The following ARHGEF7 variants were observed in gnomAD, a reference collection of about 807,000 sequenced individuals.
ARHGEF7 encodes the protein PAK-interacting exchange factor beta.
In ARHGEF7, 33 loss-of-function variants were observed where a neutral mutation model predicts 109.8. The observed-to-expected ratio is 0.30, with a 90% confidence interval of 0.23 to 0.40. ARHGEF7 has a LOEUF of 0.40. ARHGEF7 is among the 10% of genes least tolerant of loss of function. The pLI is 1.00. For synonymous variants in ARHGEF7, 458 were observed against 424.6 expected (o/e 1.08, Z -0.97); for missense variants, 938 against 1,098.5 (o/e 0.85, Z 2.07).
chr13:111,182,883 T>G (rs528871650), intron 2 of ARHGEF7, among the ~76,000 whole-genome samples: 1 of 152,336 alleles, frequency 6.6e-6, no homozygotes, highest in South Asian at 2.1e-4. Context: ...TTTTCAGTAT[T>G]CAGTACGTCA....
In ARHGEF7 at chr13:111,133,805, ATAT is replaced by A. The variant is rs1566607024; in HGVS notation, c.165+18115_165+18117del. ...TATATATATATATATATATATATAT[ATAT>A]ATATATTTATTATACTTTAAGTTCT... On this transcript the variant is annotated intron_variant, in intron 1 of 21. Coordinates refer to ENST00000646102, the MANE Select transcript of ARHGEF7 (RefSeq NM_001354046.2). Among the ~76,000 whole-genome samples, 52 of 30,742 alleles carry A rather than the reference ATAT, an allele frequency of 1.7e-3. 1 individual carries two copies. The highest frequency in any genetic ancestry group is 3.0e-3 in the African/African-American group (27 of 9,138). 20.2% of individuals were successfully genotyped at this position (30,742 alleles called of 152,430 possible). A position where few individuals can be genotyped will look rare whatever the true frequency, so the allele number is the denominator to read the frequency against.
At chr13:111,208,227 G>T (rs1038467864) in intron 3 of ARHGEF7, among the ~76,000 whole-genome samples, 3 of 152,060 alleles carry the variant, frequency 2.0e-5, no homozygotes, top group Non-Finnish European at 4.4e-5. Flanking sequence ...TTTAGTAGAG[G>T]CGGGGTTTCT....
intron 5 of ARHGEF7, among the ~76,000 whole-genome samples, chr13:111,227,791 T>C (rs1178036229): frequency 6.6e-6 from 1 of 152,238 alleles, no homozygotes; most frequent in African/African-American, 2.4e-5. Context: ...TTTAGTCTTA[T>C]TTGTATTTCA....
intron 2 of ARHGEF7, among the ~76,000 whole-genome samples, chr13:111,197,353 G>T (rs575505826): frequency 2.7e-4 from 41 of 152,252 alleles, no homozygotes; most frequent in Admixed American, 2.3e-3. Flanking sequence ...ACTGAGGAAG[G>T]TTGGATTTAG....
At chr13:111,249,456 A>C (rs1051450898) in intron 8 of ARHGEF7, among the ~76,000 whole-genome samples, 3 of 151,834 alleles carry the variant, frequency 2.0e-5, no homozygotes, top group Non-Finnish European at 4.4e-5. Context: ...GAGGGGAAAA[A>C]AGGGAGGCTG....
At chr13:111,154,250 G>A (rs1317302228) in intron 2 of ARHGEF7, among the ~76,000 whole-genome samples, 1 of 152,226 alleles carries the variant, frequency 6.6e-6, no homozygotes, top group Non-Finnish European at 1.5e-5. Context: ...TTCCAGTGAG[G>A]AAGAGTGGTT....
At chr13:111,298,786 G>C (rs1385873169) in intron 19 of ARHGEF7, among the ~76,000 whole-genome samples, 1 of 152,216 alleles carries the variant, frequency 6.6e-6, no homozygotes, top group Non-Finnish European at 1.5e-5. Flanking sequence ...CAGGTCTGCT[G>C]CTGCCAGCTG....
intron 6 of ARHGEF7, among the ~76,000 whole-genome samples, chr13:111,233,601 A>G (rs568768563): frequency 1.6e-3 from 241 of 152,368 alleles, no homozygotes; most frequent in South Asian, 0.011. Context: ...GAAAAAATGT[A>G]TAATGTGATT....
At chr13:111,221,490 GACATATAT>G in intron 5 of ARHGEF7, among the ~76,000 whole-genome samples, 1 of 37,576 alleles carries the variant, frequency 2.7e-5, no homozygotes, top group Admixed American at 3.7e-4. Flanking sequence ...GATATATATA[GACATATAT>G]ATATCTATAT....
intron 1 of ARHGEF7, among the ~76,000 whole-genome samples, chr13:111,149,116 A>G (rs1173238144): frequency 6.6e-6 from 1 of 152,206 alleles, no homozygotes; most frequent in Non-Finnish European, 1.5e-5. Context: ...TTTCATTAAA[A>G]AAACCATTTC....
At chr13:111,172,767 G>A (rs960381083) in intron 2 of ARHGEF7, among the ~76,000 whole-genome samples, 1 of 152,222 alleles carries the variant, frequency 6.6e-6, no homozygotes, top group Non-Finnish European at 1.5e-5. Flanking sequence ...GGGGGCTGGG[G>A]TGGGGCAGAC....
intron 8 of ARHGEF7, among the ~76,000 whole-genome samples, chr13:111,248,005 G>A (rs112160119): frequency 2.6e-4 from 39 of 152,280 alleles, no homozygotes; most frequent in African/African-American, 7.9e-4. Context: ...TCTGTCTTCC[G>A]TCTTGAAAAC....
chr13:111,164,189 A>G (rs570045187), intron 2 of ARHGEF7, among the ~76,000 whole-genome samples: 1 of 152,346 alleles, frequency 6.6e-6, no homozygotes, highest in South Asian at 2.1e-4. Flanking sequence ...TGCCCTGCAG[A>G]GAAGATGGCA....
intron 2 of ARHGEF7, among the ~76,000 whole-genome samples, chr13:111,155,393 C>T (rs1335951554): frequency 6.6e-6 from 1 of 152,160 alleles, no homozygotes; most frequent in Non-Finnish European, 1.5e-5. Context: ...GTATTACTGG[C>T]GTTGTTTATG....
At position 111,115,463 on chromosome 13, in the gene ARHGEF7, G is replaced by A. The variant is rs1379601442; in HGVS notation, c.-64G>A. 1 of 1,008,310 alleles carries A rather than the reference G, an allele frequency of 9.9e-7. No homozygotes were observed. Among genetic ancestry groups the A allele is most frequent in the African/African-American group, 1.8e-5 (1 of 57,042 alleles). 62.5% of individuals were successfully genotyped at this position (1,008,310 alleles called of 1,614,324 possible). ...GGCGGCGGCGGCGGCGGGGGCCGCG[G>A]GCCGGGCCGCCGCTCCGAGGTGAAG... is the stretch of plus-strand genomic sequence containing the variant. On this transcript the variant is annotated 5_prime_UTR_variant, in exon 1 of 22. Transcript: ENST00000646102.
At position 111,273,710 on chromosome 13, in the gene ARHGEF7, A is replaced by T; in HGVS notation, c.1074-104A>T. The T allele has an allele frequency of 6.7e-7, 1 of 1,493,860 alleles. No individual in the cohort carries two copies. Among genetic ancestry groups the T allele is most frequent in the Non-Finnish European group, 9.2e-7 (1 of 1,086,156 alleles). 92.5% of individuals were successfully genotyped at this position (1,493,860 alleles called of 1,614,324 possible). A position where few individuals can be genotyped will look rare whatever the true frequency, so the allele number is the denominator to read the frequency against. On this transcript the variant is annotated intron_variant, in intron 9 of 21. Coordinates refer to ENST00000646102, the MANE Select transcript of ARHGEF7 (RefSeq NM_001354046.2). This position sits in a 1 kb window ranked among gnomAD's most constrained non-coding sequence, Gnocchi z 4.5. ...TGGAGCCTTCCAGATGTTAAAAGCA[A>T]CACTTATGTTTCATAAATTCTGGCT...
intron 1 of ARHGEF7, among the ~76,000 whole-genome samples, chr13:111,134,121 C>T (rs1454395032): frequency 6.6e-6 from 1 of 152,062 alleles, no homozygotes; most frequent in East Asian, 1.9e-4. Context: ...AGGACATGAA[C>T]TCATCCTTTT....
intron 6 of ARHGEF7, among the ~76,000 whole-genome samples, chr13:111,241,945 C>T (rs749561570): frequency 6.6e-6 from 1 of 152,122 alleles, no homozygotes; most frequent in Non-Finnish European, 1.5e-5. Flanking sequence ...GCTGGCTTCC[C>T]CTGTTGTTCT....
Position 111,231,711 on chromosome 13 carries a change from G to T in ARHGEF7, c.671-1494G>T, listed in dbSNP as rs576090162. On this transcript the variant is annotated intron_variant, in intron 5 of 21. Coordinates refer to ENST00000646102, the MANE Select transcript of ARHGEF7 (RefSeq NM_001354046.2). Reference sequence around the variant, plus strand: ...CCTCAGACCCCAGGACACTGAGATTGTGGATGGGGGACGCATGGGAGGAGA... The same window carrying T: ...CCTCAGACCCCAGGACACTGAGATTTTGGATGGGGGACGCATGGGAGGAGA... 3.9e-5 allele frequency among the ~76,000 whole-genome samples: 6 copies of T among 152,298 alleles called. No homozygotes were observed. The South Asian group carries it at 8.3e-4, about 21-fold the overall frequency.
Sources: gnomAD v4.1 joint callset for allele counts (sites outside exome capture counted in the v4.1 genomes callset) on GRCh38, gnomAD v4.1.1 for gene constraint, Gnocchi (gnomAD v3.1) non-coding constraint, MANE v1.5 for transcripts, NCBI Gene and HGNC (gene_info 2026-07-23, HGNC 2026-07-21) for gene names.